APAF1: variants seen among roughly 807,000 people sequenced by gnomAD.
APAF1 encodes apoptotic protease-activating factor 1.
Under a neutral mutation model 152.4 loss-of-function variants are expected in APAF1, and 91 were observed. The observed-to-expected ratio is 0.60, with a 90% CI of 0.50 to 0.71. The LOEUF (loss-of-function observed/expected upper bound fraction) is 0.71. APAF1 is among the 30% of genes least tolerant of loss of function. The probability of loss-of-function intolerance (pLI) is 0.00; values close to 1 mark genes in which losing one functional copy is unlikely to be tolerated. For synonymous variants in APAF1, 484 were observed against 494.1 expected (o/e 0.98, Z 0.27); for missense variants, 1,283 against 1,472.0 (o/e 0.87, Z 2.10).
At chr12:98,729,198 G>A (rs2097756241) in intron 26 of APAF1, among the ~76,000 whole-genome samples, 1 of 152,226 alleles carries the variant, frequency 6.6e-6, no homozygotes, top group African/African-American at 2.4e-5. Context: ...TTGAATAGCA[G>A]TTTACTTGTA....
intron 10 of APAF1, among the ~76,000 whole-genome samples, chr12:98,668,459 G>A (rs1202535045): frequency 2.0e-5 from 3 of 152,142 alleles, no homozygotes; most frequent in African/African-American, 7.2e-5. Context: ...ATAAAGCACA[G>A]GCACAAAGTC....
rs10668292 is a variant in APAF1, at chr12:98,707,692, C to CTATATATA, written c.2722-880_2722-873dup. 1.3e-3 allele frequency among the ~76,000 whole-genome samples: 182 copies of CTATATATA among 139,666 alleles called. 2 individuals carry two copies. Among genetic ancestry groups the CTATATATA allele is most frequent in the African/African-American group, 4.2e-3 (167 of 39,342 alleles). 91.6% of individuals were successfully genotyped at this position (139,666 alleles called of 152,430 possible). On this transcript the variant is annotated intron_variant, in intron 19 of 26. Transcript: ENST00000551964. ...TATATTCAAGACATTATGCAAAGTA[C>CTATATATA]TATATATATATATATATATACATAT...
intron 22 of APAF1, among the ~76,000 whole-genome samples, chr12:98,721,668 A>G (rs187767702): frequency 8.6e-4 from 131 of 152,288 alleles, no homozygotes; most frequent in African/African-American, 3.1e-3. Flanking sequence ...CGTCTTCTAA[A>G]GTTCTCTTGC....
intron 12 of APAF1, among the ~76,000 whole-genome samples, chr12:98,671,927 C>T (rs1391846014): frequency 6.6e-6 from 1 of 152,112 alleles, no homozygotes; most frequent in African/African-American, 2.4e-5. Flanking sequence ...TAAATAGATG[C>T]CTGTAAGGCA....
intron 20 of APAF1, among the ~76,000 whole-genome samples, chr12:98,709,154 C>T (rs560946627): frequency 9.9e-5 from 15 of 152,170 alleles, no homozygotes; most frequent in Non-Finnish European, 2.1e-4. Flanking sequence ...AGGAGCTGGG[C>T]TTTACATACT....
intron 12 of APAF1, among the ~76,000 whole-genome samples, chr12:98,673,442 C>CAAAAAA (rs1162049645): frequency 3.4e-5 from 3 of 89,260 alleles, no homozygotes; most frequent in Admixed American, 1.2e-4. Flanking sequence ...TCTCAAAAAA[C>CAAAAAA]AAAAAAAAAA....
At chr12:98,677,664 G>A in intron 13 of APAF1, 113 bp downstream of exon 13, 1 of 1,226,406 alleles carries the variant, frequency 8.2e-7, no homozygotes. Context: ...AATAACAGAG[G>A]AATCCAGCTC....
intron 17 of APAF1, 85 bp downstream of exon 17, chr12:98,699,654 A>C (rs2097713246): frequency 6.8e-7 from 1 of 1,479,786 alleles, no homozygotes; most frequent in South Asian, 1.2e-5. Context: ...ATGTTTATTC[A>C]TAAAAATAAA....
At chr12:98,668,874 A>G (rs564846095) in intron 10 of APAF1, among the ~76,000 whole-genome samples, 1 of 152,298 alleles carries the variant, frequency 6.6e-6, no homozygotes, top group Admixed American at 6.5e-5. Flanking sequence ...AATTCTGGGG[A>G]GAATTATAGA....
At chr12:98,662,147 C>CTTT (rs575642787) in intron 5 of APAF1, among the ~76,000 whole-genome samples, 3 of 110,438 alleles carry the variant, frequency 2.7e-5, no homozygotes, top group South Asian at 2.9e-4. Flanking sequence ...GTAATGGTCG[C>CTTT]TTTTTTTTTT....
chr12:98,686,901 G>C (rs1388649353), intron 16 of APAF1, 28 bp downstream of exon 16: 1 of 1,604,318 alleles, frequency 6.2e-7, no homozygotes, highest in East Asian at 2.2e-5. Flanking sequence ...ATTAAAATAG[G>C]TTGTATTTTA....
chr12:98,689,650 G>A (rs2097702114), intron 16 of APAF1, among the ~76,000 whole-genome samples: 2 of 152,080 alleles, frequency 1.3e-5, no homozygotes, highest in South Asian at 2.1e-4. Context: ...TTGTAGAGAT[G>A]GGGCCTCCCT....
intron 12 of APAF1, among the ~76,000 whole-genome samples, chr12:98,672,948 G>T (rs374989716): frequency 6.6e-6 from 1 of 151,596 alleles, no homozygotes; most frequent in East Asian, 2.0e-4. Flanking sequence ...AGTAGAGACA[G>T]GGTTTCTCCA....
At position 98,662,438 on chromosome 12, in the gene APAF1, A is replaced by ATT; in HGVS notation, c.711-9_711-8dup. On this transcript the variant is annotated splice_polypyrimidine_tract_variant and intron_variant, in intron 5 of 26. Coordinates refer to ENST00000551964, the MANE Select transcript of APAF1 (RefSeq NM_181861.2). ...AAGATAAGTGTCATTAGTGATTAAT[A>ATT]TTTTTTTTTTAAATTAGGTCTCTCT... 2 of 1,453,480 alleles carry ATT rather than the reference A, an allele frequency of 1.4e-6. No individual in the cohort carries two copies. Among genetic ancestry groups the ATT allele is most frequent in the African/African-American group, 1.4e-5 (1 of 71,140 alleles). The allele number at this position is 1,453,480 out of a possible 1,614,324, so 90.0% of individuals were successfully genotyped here.
intron 20 of APAF1, 36 bp downstream of exon 20, chr12:98,708,740 T>G: frequency 3.7e-6 from 6 of 1,604,726 alleles, no homozygotes; most frequent in East Asian, 2.2e-5. Flanking sequence ...GAAAATTGTT[T>G]TGGTTGAATT....
intron 16 of APAF1, among the ~76,000 whole-genome samples, chr12:98,688,960 C>T (rs1490971208): frequency 6.6e-6 from 1 of 151,864 alleles, no homozygotes; most frequent in Non-Finnish European, 1.5e-5. Flanking sequence ...CTGCAAGTGC[C>T]TGCTACCATG....
intron 19 of APAF1, 143 bp from the exon 20 acceptor site, chr12:98,708,442 A>T (rs2097724192): frequency 3.4e-6 from 3 of 870,720 alleles, no homozygotes; most frequent in Non-Finnish European, 3.5e-6. Flanking sequence ...GTGTTAGTAA[A>T]TATTTATTTT....
At chr12:98,710,757 A>T (rs1441057275) in intron 20 of APAF1, among the ~76,000 whole-genome samples, 1 of 152,230 alleles carries the variant, frequency 6.6e-6, no homozygotes, top group East Asian at 1.9e-4. Flanking sequence ...TGTAGAGCTC[A>T]GCTTGGTGTA....
At chr12:98,662,368 G>A in intron 5 of APAF1, 88 bp from the exon 6 acceptor site, 1 of 994,382 alleles carries the variant, frequency 1.0e-6, no homozygotes, top group Non-Finnish European at 1.5e-6. Context: ...TAATTTGGTA[G>A]ATTTTAAAAG....
Sources: allele counts gnomAD v4.1 joint callset (sites outside exome capture counted in the v4.1 genomes callset), GRCh38; gene constraint gnomAD v4.1.1; transcripts MANE v1.5; gene names NCBI Gene and HGNC (gene_info 2026-07-23, HGNC 2026-07-21).